The following FBXL13 variants were observed in gnomAD, a reference collection of about 807,000 sequenced individuals.
The protein encoded by FBXL13 is F-box and leucine rich repeat protein 13.
A neutral mutation model predicts 83.6 loss-of-function variants in FBXL13; 67 were observed. The observed-to-expected ratio is 0.80, with a 90% confidence interval of 0.66 to 0.98. FBXL13 has a LOEUF of 0.98. Among genes scored for constraint, FBXL13 ranks in the 50% least tolerant of loss-of-function variants. The pLI is 0.00. For synonymous variants in FBXL13, 272 were observed against 299.5 expected (o/e 0.91, Z 0.95); for missense variants, 822 against 866.5 (o/e 0.95, Z 0.64).
At position 103,025,234 on chromosome 7, in the gene FBXL13, CA is replaced by C; in HGVS notation, c.328-5del. 1 of 1,544,434 alleles carries C rather than the reference CA, an allele frequency of 6.5e-7. No individual in the cohort carries two copies. The highest frequency in any genetic ancestry group is 1.2e-5 in the South Asian group (1 of 85,498). ...ATTGAAGTTCATGTTTTAATATCTG[CA>C]ATGAAAATAATTTTAAAATTCCATG... On this transcript the variant is annotated splice_region_variant and splice_polypyrimidine_tract_variant and intron_variant, in intron 5 of 19. Coordinates refer to ENST00000313221, the Ensembl canonical transcript of FBXL13.
intron 6 of FBXL13, among the ~76,000 whole-genome samples, chr7:102,975,400 C>T (rs1397112370): frequency 6.6e-6 from 1 of 152,210 alleles, no homozygotes; most frequent in Non-Finnish European, 1.5e-5. Context: ...GACCCTAACT[C>T]AGGTACATGC....
chr7:102,883,157 A>T (rs1810341178), intron 14 of FBXL13, 148 bp downstream of exon 15: 1 of 658,300 alleles, frequency 1.5e-6, no homozygotes, highest in South Asian at 4.6e-5. Context: ...TCTTTCTTAT[A>T]ACTACAGAAC....
chr7:102,928,651 GA>G, intron 9 of FBXL13, among the ~76,000 whole-genome samples: 1 of 152,324 alleles, frequency 6.6e-6, no homozygotes, highest in East Asian at 1.9e-4. Flanking sequence ...GTACACAACT[GA>G]AGCTCCCTGA....
intron 6 of FBXL13, among the ~76,000 whole-genome samples, chr7:103,015,418 ATG>A (rs1209700852): frequency 1.3e-5 from 2 of 152,208 alleles, no homozygotes; most frequent in African/African-American, 2.4e-5. Flanking sequence ...TGCAGACAAT[ATG>A]ATTCTATACC....
At chr7:102,881,575 TG>T (rs138064866) in intron 14 of FBXL13, among the ~76,000 whole-genome samples, 30,631 of 146,192 alleles carry the variant, frequency 0.21, 3,420 homozygotes, top group African/African-American at 0.3. Context: ...TGTGTGTGTG[TG>T]GGGGGGGTGG....
intron 1 of FBXL13, among the ~76,000 whole-genome samples, chr7:103,065,283 A>C (rs1484095828): frequency 1.3e-5 from 2 of 152,252 alleles, no homozygotes; most frequent in Non-Finnish European, 2.9e-5. Flanking sequence ...TTCAACAATA[A>C]TTATTCTGTG....
intron 1 of FBXL13, among the ~76,000 whole-genome samples, chr7:103,068,258 C>A (rs1038652569): frequency 6.6e-6 from 1 of 152,192 alleles, no homozygotes; most frequent in Middle Eastern, 3.4e-3. Flanking sequence ...GAGATTGGTA[C>A]ATAATGAAGA....
At chr7:102,926,924 A>T (rs1378857652) in intron 9 of FBXL13, among the ~76,000 whole-genome samples, 1 of 152,192 alleles carries the variant, frequency 6.6e-6, no homozygotes, top group Non-Finnish European at 1.5e-5. Context: ...GATTTATGGT[A>T]AGTTTGAGAT....
intron 1 of FBXL13, among the ~76,000 whole-genome samples, chr7:103,058,635 A>G (rs550191656): frequency 3.2e-4 from 48 of 152,260 alleles, no homozygotes; most frequent in Non-Finnish European, 6.0e-4. Context: ...GGACATCTAT[A>G]TCAGAATCAC....
chr7:103,018,729 AGG>A (rs1792711919), intron 6 of FBXL13, among the ~76,000 whole-genome samples: 1 of 152,224 alleles, frequency 6.6e-6, no homozygotes, highest in African/African-American at 2.4e-5. Flanking sequence ...GAGACAAAGA[AGG>A]CCATTACATA....
intron 8 of FBXL13, among the ~76,000 whole-genome samples, chr7:102,935,242 C>CTTTTTTTTTTTTTTTT (rs71106700): frequency 5.9e-4 from 45 of 76,422 alleles, no homozygotes; most frequent in African/African-American, 1.4e-3. Flanking sequence ...TTTTTTCTTT[C>CTTTTTTTTTTTTTTTT]TTTTTTTTTT....
At chr7:103,011,640 A>T in intron 6 of FBXL13, among the ~76,000 whole-genome samples, 1 of 150,476 alleles carries the variant, frequency 6.6e-6, no homozygotes, top group South Asian at 2.1e-4. Context: ...TCTGTCTCAA[A>T]AAAAAAAAAA....
chr7:102,848,535 G>A lies in FBXL13; in HGVS notation c.1719+6242C>T, dbSNP rs1477089678. Among the ~76,000 whole-genome samples the A allele has an allele frequency of 2.0e-4, 6 of 29,904 alleles. 1 individual carries two copies. Among genetic ancestry groups the A allele is most frequent in the East Asian group, 4.6e-3 (2 of 436 alleles). 19.6% of individuals were successfully genotyped at this position (29,904 alleles called of 152,430 possible). On this transcript the variant is annotated intron_variant, in intron 17 of 19. Coordinates refer to ENST00000313221, the Ensembl canonical transcript of FBXL13. ...TGCGCCACTGCACTCCAGCCTGGGC[G>A]ACAGAGCGAGACTCCGTCTCAAAAA...
chr7:102,947,558 AGT>A (rs1822729717), intron 8 of FBXL13, among the ~76,000 whole-genome samples: 1 of 152,164 alleles, frequency 6.6e-6, no homozygotes, highest in Non-Finnish European at 1.5e-5. Flanking sequence ...TTTTCAGGGA[AGT>A]GTAGTTGATT....
chr7:102,888,487 G>C (rs915334081), intron 11 of FBXL13, among the ~76,000 whole-genome samples: 1 of 152,222 alleles, frequency 6.6e-6, no homozygotes, highest in African/African-American at 2.4e-5. Flanking sequence ...AGCTGAGATT[G>C]CTCCACTGCA....
At chr7:102,922,895 A>G (rs1018947008) in intron 10 of FBXL13, among the ~76,000 whole-genome samples, 1 of 151,876 alleles carries the variant, frequency 6.6e-6, no homozygotes, top group Non-Finnish European at 1.5e-5. Flanking sequence ...GGAGAATGGC[A>G]TGAACCCGGG....
intron 11 of FBXL13, among the ~76,000 whole-genome samples, chr7:102,892,058 G>A (rs1811603808): frequency 1.3e-5 from 2 of 152,198 alleles, no homozygotes; most frequent in Admixed American, 1.3e-4. Context: ...AGTTTTGTAA[G>A]CAGTTCATGA....
At chr7:103,015,631 T>C (rs1792202151) in intron 6 of FBXL13, among the ~76,000 whole-genome samples, 1 of 152,060 alleles carries the variant, frequency 6.6e-6, no homozygotes, top group Non-Finnish European at 1.5e-5. Flanking sequence ...ACCCCGTCTC[T>C]ACTAAAAATA....
rs769454429 is a variant in FBXL13 at position 102,934,052 on chromosome 7, C to T, written c.725-2119G>A. 8 of 1,614,010 alleles carry T rather than the reference C, an allele frequency of 5.0e-6. No individual in the cohort carries two copies. The highest frequency in any genetic ancestry group is 1.7e-5 in the Admixed American group (1 of 60,006). On this transcript the variant is annotated intron_variant, in intron 8 of 19. Transcript: ENST00000313221. ...CCGGAGAGGCTCCAACCCGGTCAAA[C>T]GCTACGCACCAGGCCTCCCGTGTGA...
Sources: allele counts gnomAD v4.1 joint callset (sites outside exome capture counted in the v4.1 genomes callset), GRCh38; gene constraint gnomAD v4.1.1; transcripts MANE v1.5; gene names NCBI Gene and HGNC (gene_info 2026-07-23, HGNC 2026-07-21).